Variants in JMJD1C observed in about 807,000 individuals in gnomAD.
JMJD1C encodes jumonji domain-containing protein 1C.
A neutral mutation model predicts 245.3 loss-of-function variants in JMJD1C; 31 were observed. The observed-to-expected ratio is 0.13, with a 90% CI of 0.09 to 0.17. JMJD1C has a LOEUF of 0.17. Ranked by LOEUF, JMJD1C falls within the 10% of genes least tolerant of loss-of-function variation. JMJD1C has a pLI of 1.00. For missense variants in JMJD1C, 2,691 were observed against 3,000.2 expected (o/e 0.90, Z 2.41); for synonymous variants, 1,057 against 1,017.4 (o/e 1.04, Z -0.74).
chr10:63,414,910 A>G (rs574973087), intron 1 of JMJD1C, among the ~76,000 whole-genome samples: 343 of 145,042 alleles, frequency 2.4e-3, no homozygotes, highest in Non-Finnish European at 4.0e-3. Context: ...CTATCTCAAA[A>G]AAAAAAAAAA....
intron 1 of JMJD1C, among the ~76,000 whole-genome samples, chr10:63,404,606 A>G (rs571572224): frequency 2.6e-5 from 4 of 152,310 alleles, no homozygotes; most frequent in African/African-American, 9.6e-5. Flanking sequence ...CTTAATATGA[A>G]AAAAGAAGAA....
intron 2 of JMJD1C, among the ~76,000 whole-genome samples, chr10:63,354,658 C>T (rs1944655847): frequency 9.3e-6 from 1 of 107,480 alleles, no homozygotes; most frequent in African/African-American, 2.7e-5. Flanking sequence ...TATTTTCTAC[C>T]TAAATTTTCT....
chr10:63,245,038 G>C (rs781542766), intron 3 of JMJD1C, among the ~76,000 whole-genome samples: 1 of 150,038 alleles, frequency 6.7e-6, no homozygotes, highest in East Asian at 2.0e-4. Context: ...TCGGGAGGCT[G>C]AGGCATGAGA....
At chr10:63,473,633 C>G (rs1356881585) in intron 1 of JMJD1C, among the ~76,000 whole-genome samples, 1 of 152,148 alleles carries the variant, frequency 6.6e-6, no homozygotes, top group Non-Finnish European at 1.5e-5. Context: ...TTTTACTTTT[C>G]CTCAAGATAT....
chr10:63,295,159 C>T (rs905632478), intron 2 of JMJD1C, among the ~76,000 whole-genome samples: 46 of 152,034 alleles, frequency 3.0e-4, no homozygotes, highest in Admixed American at 2.9e-3. Flanking sequence ...TTGATCATGG[C>T]TCAGTCTCAC....
intron 3 of JMJD1C, among the ~76,000 whole-genome samples, chr10:63,225,606 C>T (rs978905126): frequency 4.6e-5 from 7 of 152,028 alleles, no homozygotes; most frequent in South Asian, 2.1e-4. Flanking sequence ...GGTGAAACCC[C>T]GTCTCTACTA....
intron 2 of JMJD1C, among the ~76,000 whole-genome samples, chr10:63,285,145 G>C (rs1335356953): frequency 1.3e-5 from 2 of 152,054 alleles, no homozygotes; most frequent in Non-Finnish European, 2.9e-5. Flanking sequence ...ACAAAATGTC[G>C]AGTTATCTCA....
intron 22 of JMJD1C, 88 bp downstream of exon 22, chr10:63,183,359 T>C (rs1283817864): frequency 3.4e-5 from 41 of 1,211,300 alleles, no homozygotes; most frequent in Non-Finnish European, 4.5e-5. Context: ...ATCTTCGCTG[T>C]TAACTCAGAA....
rs145187982 is a variant in JMJD1C, at chr10:63,463,129, G to A, written c.168+2366C>T. Among the ~76,000 whole-genome samples, 134 of 151,826 alleles carry A rather than the reference G, an allele frequency of 8.8e-4. 1 individual carries two copies. The highest frequency in any genetic ancestry group is 2.9e-3 in the African/African-American group (121 of 41,414). On this transcript the variant is annotated intron_variant, in intron 1 of 25. Coordinates refer to ENST00000399262, the MANE Select transcript of JMJD1C (RefSeq NM_032776.3). ...GCTTTAAAAAAAAAATCACAAACTA[G>A]CCTATTCAACATTTTCCATATACTT... is the stretch of plus-strand genomic sequence containing the variant.
At chr10:63,430,355 C>A (rs940692616) in intron 1 of JMJD1C, among the ~76,000 whole-genome samples, 12 of 152,114 alleles carry the variant, frequency 7.9e-5, no homozygotes, top group African/African-American at 2.4e-4. Context: ...TCATCAAAAT[C>A]AAGAGTGAAA....
intron 1 of JMJD1C, among the ~76,000 whole-genome samples, chr10:63,397,683 C>T (rs1948594228): frequency 1.4e-5 from 2 of 147,264 alleles, no homozygotes; most frequent in African/African-American, 5.4e-5. Context: ...CAGTCATGTG[C>T]CACCACACCC....
At chr10:63,238,175 C>A (rs1460619631) in intron 3 of JMJD1C, among the ~76,000 whole-genome samples, 1 of 38,462 alleles carries the variant, frequency 2.6e-5, no homozygotes, top group South Asian at 9.2e-4. Flanking sequence ...TGTGAGACTC[C>A]ATCTCAAAAA....
intron 1 of JMJD1C, among the ~76,000 whole-genome samples, 161 bp from the exon 2 acceptor site, chr10:63,380,643 C>T (rs565074400): frequency 3.2e-4 from 48 of 152,322 alleles, no homozygotes; most frequent in African/African-American, 1.1e-3. Flanking sequence ...GAATATCCAT[C>T]ACCTCAAATA....
At position 63,189,349 on chromosome 10, in the gene JMJD1C, T is replaced by C; in HGVS notation, c.6389A>G (p.Asn2130Ser). 6.2e-7 allele frequency: 1 copy of C among 1,613,900 alleles called. No individual in the cohort carries two copies. Among genetic ancestry groups the C allele is most frequent in the Non-Finnish European group, 8.5e-7 (1 of 1,179,884 alleles). The change falls in exon 18 of 26, where the codon AAT (asparagine) becomes AGT (serine). Residue 2130 changes from asparagine to serine, a missense_variant. By Grantham distance (46) the Asn-to-Ser change is conservative. Around this residue, in one of 9 missense-constraint regions of JMJD1C, gnomAD observed 275 missense variants for 285.5 expected, o/e 0.96. Transcript: ENST00000399262. Reference protein sequence around the residue: ...KIPPSKTSKINVKPELKEEPE... With the variant: ...KIPPSKTSKISVKPELKEEPE... ...CTCTTCTTTAAGCTCTGGTTTTACA[T>C]TTATCTTGGAGGTTTTACTTGGTGG...
chr10:63,227,441 C>G (rs1473587715), intron 3 of JMJD1C, among the ~76,000 whole-genome samples: 1 of 152,144 alleles, frequency 6.6e-6, no homozygotes. Context: ...CAGATTTGCT[C>G]AAAAGTCTCA....
intron 1 of JMJD1C, among the ~76,000 whole-genome samples, chr10:63,420,714 C>CAAAA (rs35090799): frequency 5.3e-4 from 25 of 47,576 alleles, no homozygotes; most frequent in South Asian, 1.4e-3. Flanking sequence ...GACCCAGTCT[C>CAAAA]AAAAAAAAAA....
chr10:63,360,350 C>A (rs1347026817), intron 2 of JMJD1C, among the ~76,000 whole-genome samples: 1 of 152,048 alleles, frequency 6.6e-6, no homozygotes, highest in Admixed American at 6.6e-5. Context: ...GACAGTGAGA[C>A]CCTGTCTCCG....
chr10:63,426,215 C>CA (rs947947198), intron 1 of JMJD1C, among the ~76,000 whole-genome samples: 2 of 151,834 alleles, frequency 1.3e-5, no homozygotes, highest in African/African-American at 2.4e-5. Context: ...CCTCTCTCTA[C>CA]AAAAAAATTT....
In JMJD1C at chr10:63,404,210, C is replaced by T. The variant is rs186422270; in HGVS notation, c.169-23728G>A. Among the ~76,000 whole-genome samples the T allele has an allele frequency of 4.2e-3, 635 of 151,914 alleles. 10 individuals are homozygous for T. The highest frequency in any genetic ancestry group is 0.014 in the African/African-American group (597 of 41,458). Reference sequence around the variant, plus strand: ...TGATCAAGACTGCACTGTAATGAAACGTTAAAAAGAGTAAGGACACATAAA... The same window carrying T: ...TGATCAAGACTGCACTGTAATGAAATGTTAAAAAGAGTAAGGACACATAAA... On this transcript the variant is annotated intron_variant, in intron 1 of 25. Coordinates refer to ENST00000399262, the MANE Select transcript of JMJD1C (RefSeq NM_032776.3).
Sources: allele counts gnomAD v4.1 joint callset (sites outside exome capture counted in the v4.1 genomes callset), GRCh38; gene constraint gnomAD v4.1.1; regional missense constraint gnomAD v4.1.1; transcripts MANE v1.5; gene names NCBI Gene and HGNC (gene_info 2026-07-23, HGNC 2026-07-21).